The following NPNT variants were observed in gnomAD, a reference collection of about 807,000 sequenced individuals.
The protein encoded by NPNT is nephronectin.
Under a neutral mutation model 68.6 loss-of-function variants are expected in NPNT, and 45 were observed. That is an observed-to-expected ratio of 0.66 (90% CI 0.52 to 0.84). The LOEUF (loss-of-function observed/expected upper bound fraction) is 0.84, where lower values mean the gene tolerates loss of function less well. Among genes scored for constraint, NPNT ranks in the 40% least tolerant of loss-of-function variants. The pLI, the probability that NPNT is intolerant of heterozygous loss-of-function variation, is 0.00. For missense variants in NPNT, 672 were observed against 714.8 expected (o/e 0.94, Z 0.68); for synonymous variants, 233 against 253.3 (o/e 0.92, Z 0.76).
intron 2 of NPNT, among the ~76,000 whole-genome samples, chr4:105,919,283 C>T (rs963432298): frequency 1.3e-5 from 2 of 151,738 alleles, no homozygotes; most frequent in Admixed American, 6.6e-5. Context: ...TTCTCTCTTT[C>T]TCCCTCAACC....
At chr4:105,898,330 C>CTCTG (rs1726089038) in intron 2 of NPNT, among the ~76,000 whole-genome samples, 2 of 57,800 alleles carry the variant, frequency 3.5e-5, no homozygotes, top group Non-Finnish European at 7.2e-5. Flanking sequence ...CTCTCTCTGT[C>CTCTG]TCTCTCTCTC....
At chr4:105,939,970 C>A in intron 5 of NPNT, 105 bp from the exon 6 acceptor site, 1 of 907,172 alleles carries the variant, frequency 1.1e-6, no homozygotes. Flanking sequence ...TATGATGAGC[C>A]ACTATATGCT....
chr4:105,940,171 T>A lies in NPNT; in HGVS notation c.602T>A (p.Phe201Tyr). The A allele has an allele frequency of 6.2e-7, 1 of 1,613,490 alleles. No individual in the cohort carries two copies. Among genetic ancestry groups the A allele is most frequent in the Non-Finnish European group, 8.5e-7 (1 of 1,179,496 alleles). ...TACATCTGCAAGTGTCATAAAGGCT[T>A]CGATCTCATGTATATTGGAGGCAAA... ...GSYICKCHKG[F>Y]DLMYIGGKYQ... The change falls in exon 6 of 12, where the codon TTC becomes TAC. Residue 201 changes from phenylalanine to tyrosine, a missense_variant. Phe to Tyr is a conservative substitution (Grantham distance 22). Coordinates refer to ENST00000379987, the MANE Select transcript of NPNT (RefSeq NM_001033047.3).
At position 105,940,592 on chromosome 4, in the gene NPNT, G is replaced by C; in HGVS notation, c.719G>C (p.Cys240Ser). 6.2e-7 allele frequency: 1 copy of C among 1,613,344 alleles called. No homozygotes were observed. Among genetic ancestry groups the C allele is most frequent in the Non-Finnish European group, 8.5e-7 (1 of 1,179,404 alleles). The change falls in exon 7 of 12, where the codon TGC becomes TCC. Residue 240 changes from cysteine to serine, a missense_variant. Coordinates refer to ENST00000379987, the MANE Select transcript of NPNT (RefSeq NM_001033047.3). The stretch of plus-strand genomic sequence containing the variant: ...TATAACATACGTGGGTCCTACAAGT[G>C]CAAATGTAAAGAAGGATACCAGGGT... ...RCYNIRGSYK[C>S]KCKEGYQGDG...
intron 8 of NPNT, among the ~76,000 whole-genome samples, chr4:105,946,425 C>T (rs1366764831): frequency 1.3e-5 from 2 of 152,124 alleles, no homozygotes; most frequent in African/African-American, 4.8e-5. Flanking sequence ...ACTGAAGTCC[C>T]TTCTAATAAC....
intron 2 of NPNT, chr4:105,912,259 G>A: frequency 6.6e-7 from 1 of 1,515,498 alleles, no homozygotes; most frequent in Non-Finnish European, 8.9e-7. Flanking sequence ...CATATTTCTT[G>A]AAATAATTTT....
intron 5 of NPNT, among the ~76,000 whole-genome samples, chr4:105,939,597 G>A (rs1269469364): frequency 6.6e-6 from 1 of 152,222 alleles, no homozygotes; most frequent in East Asian, 1.9e-4. Context: ...GGTTGGATAT[G>A]CTTTGGAGGG....
chr4:105,934,178 A>G (rs1211966849), intron 3 of NPNT, among the ~76,000 whole-genome samples: 1 of 152,170 alleles, frequency 6.6e-6, no homozygotes, highest in Middle Eastern at 3.2e-3. Flanking sequence ...TATTTACTAT[A>G]ATTTGGAAGT....
intron 8 of NPNT, among the ~76,000 whole-genome samples, chr4:105,951,206 T>C (rs940038515): frequency 5.3e-5 from 8 of 152,022 alleles, no homozygotes; most frequent in African/African-American, 1.9e-4. Flanking sequence ...TCATGTAAAA[T>C]AAAAAGAAAA....
chr4:105,958,373 G>T (rs1488800167), intron 8 of NPNT, 98 bp from the exon 9 acceptor site: 2 of 580,948 alleles, frequency 3.4e-6, no homozygotes, highest in African/African-American at 1.9e-5. Context: ...TGAATAAAAT[G>T]ACTAGGCCTT....
chr4:105,956,587 A>G (rs533576729), intron 8 of NPNT, among the ~76,000 whole-genome samples: 14 of 152,330 alleles, frequency 9.2e-5, no homozygotes, highest in African/African-American at 3.1e-4. Flanking sequence ...TTACAACAAA[A>G]GAAGGGGACA....
At chr4:105,924,705 AG>A (rs1329830244) in intron 2 of NPNT, among the ~76,000 whole-genome samples, 1 of 152,210 alleles carries the variant, frequency 6.6e-6, no homozygotes, top group Admixed American at 6.5e-5. Context: ...AGCACCTGAA[AG>A]TACTATAAAT....
chr4:105,908,680 C>CA (rs1173594408), intron 2 of NPNT, among the ~76,000 whole-genome samples: 1 of 151,952 alleles, frequency 6.6e-6, no homozygotes, highest in Non-Finnish European at 1.5e-5. Context: ...TCTCCTGCCT[C>CA]AGCCTCCCGA....
At chr4:105,929,489 CT>C (rs1045662805) in intron 3 of NPNT, 1 of 152,170 alleles carries the variant, frequency 6.6e-6, no homozygotes, top group African/African-American at 2.4e-5. Flanking sequence ...CCTGCATAAT[CT>C]TTTTAAATAA....
intron 7 of NPNT, 60 bp from the exon 8 acceptor site, chr4:105,942,247 A>T: frequency 7.5e-7 from 1 of 1,330,348 alleles, no homozygotes; most frequent in Non-Finnish European, 1.0e-6. Context: ...CTGTCAGTGT[A>T]ATGCTTCACT....
chr4:105,902,387 A>G (rs189756611), intron 2 of NPNT, among the ~76,000 whole-genome samples: 151 of 152,290 alleles, frequency 9.9e-4, no homozygotes, highest in African/African-American at 3.6e-3. Context: ...TATGCACCCA[A>G]AAAGTAACAG....
intron 3 of NPNT, among the ~76,000 whole-genome samples, chr4:105,927,998 G>A (rs1728818781): frequency 6.6e-6 from 1 of 152,028 alleles, no homozygotes; most frequent in African/African-American, 2.4e-5. Flanking sequence ...AGTGCCCCAG[G>A]TATTTTATAT....
At chr4:105,960,757 T>C (rs1457441315) in intron 10 of NPNT, among the ~76,000 whole-genome samples, 2 of 145,998 alleles carry the variant, frequency 1.4e-5, no homozygotes, top group Admixed American at 6.7e-5. Context: ...AACCAACATA[T>C]CTACGTGTGT....
intron 8 of NPNT, among the ~76,000 whole-genome samples, chr4:105,948,064 T>C (rs1730525641): frequency 6.6e-6 from 1 of 152,228 alleles, no homozygotes; most frequent in African/African-American, 2.4e-5. Flanking sequence ...TAAATTTTAC[T>C]TGTTGGTTCT....
Sources: allele counts gnomAD v4.1 joint callset (sites outside exome capture counted in the v4.1 genomes callset), GRCh38; gene constraint gnomAD v4.1.1; transcripts MANE v1.5; gene names NCBI Gene and HGNC (gene_info 2026-07-23, HGNC 2026-07-21).